The following ARHGAP15 variants were observed in gnomAD, a reference collection of about 807,000 sequenced individuals.
ARHGAP15 encodes the protein Rho GTPase activating protein 15, also known as rho GTPase-activating protein 15.
Under a neutral mutation model 63.7 loss-of-function variants are expected in ARHGAP15, and 51 were observed. The observed-to-expected ratio is 0.80, with a 90% CI of 0.64 to 1.01. ARHGAP15 has a LOEUF of 1.01. Ranked by LOEUF, ARHGAP15 falls within the 50% of genes least tolerant of loss-of-function variation. The pLI is 0.00. For missense variants in ARHGAP15, 560 were observed against 564.6 expected, an observed-to-expected ratio of 0.99 and a Z score of 0.08; for synonymous variants, 191 against 193.8, an observed-to-expected ratio of 0.99 and a Z score of 0.12.
intron 5 of ARHGAP15, among the ~76,000 whole-genome samples, chr2:143,248,017 G>T (rs1694110411): frequency 6.6e-6 from 1 of 152,256 alleles, no homozygotes; most frequent in South Asian, 2.1e-4. Flanking sequence ...TCCATACATT[G>T]GGAAAAACAG....
intron 6 of ARHGAP15, among the ~76,000 whole-genome samples, chr2:143,262,175 G>A (rs979517130): frequency 6.6e-6 from 1 of 152,126 alleles, no homozygotes; most frequent in African/African-American, 2.4e-5. Flanking sequence ...CAGCTGTAGT[G>A]ACACCCACAC....
At chr2:143,676,550 T>A (rs1422558561) in intron 12 of ARHGAP15, 4 of 152,160 alleles carry the variant, frequency 2.6e-5, no homozygotes, top group African/African-American at 9.7e-5. Context: ...GGCCTAATTT[T>A]AATATTGCTA....
intron 11 of ARHGAP15, among the ~76,000 whole-genome samples, chr2:143,564,916 T>G (rs560856497): frequency 7.9e-5 from 12 of 152,298 alleles, no homozygotes; most frequent in African/African-American, 2.9e-4. Flanking sequence ...GTAAATAATA[T>G]GAAAAATGTA....
At chr2:143,609,870 A>G (rs911757788) in intron 11 of ARHGAP15, among the ~76,000 whole-genome samples, 2 of 152,172 alleles carry the variant, frequency 1.3e-5, no homozygotes. Flanking sequence ...AATTGGTGCC[A>G]TGAGCAATAA....
chr2:143,228,857 G>A (rs1693327546), intron 5 of ARHGAP15, among the ~76,000 whole-genome samples, 189 bp downstream of exon 5: 1 of 152,118 alleles, frequency 6.6e-6, no homozygotes, highest in Admixed American at 6.5e-5. Flanking sequence ...TTTATTAAGT[G>A]GTGCATTTGG....
At chr2:143,673,050 C>A (rs1682607858) in intron 12 of ARHGAP15, among the ~76,000 whole-genome samples, 2 of 152,112 alleles carry the variant, frequency 1.3e-5, no homozygotes, top group Non-Finnish European at 2.9e-5. Context: ...GGGAACCACA[C>A]AATACGAGCC....
At chr2:143,507,605 A>G (rs1287990410) in intron 9 of ARHGAP15, among the ~76,000 whole-genome samples, 1 of 152,212 alleles carries the variant, frequency 6.6e-6, no homozygotes, top group Non-Finnish European at 1.5e-5. Flanking sequence ...AATTCCATCT[A>G]GAGGTTGATG....
chr2:143,288,099 G>A (rs1451660899), intron 6 of ARHGAP15, among the ~76,000 whole-genome samples: 2 of 152,210 alleles, frequency 1.3e-5, no homozygotes, highest in Non-Finnish European at 2.9e-5. Flanking sequence ...GCACGAAGAA[G>A]CAGGACCAGT....
intron 6 of ARHGAP15, among the ~76,000 whole-genome samples, chr2:143,425,193 T>G (rs561580988): frequency 6.6e-6 from 1 of 152,238 alleles, no homozygotes; most frequent in East Asian, 1.9e-4. Context: ...ACATTTGGCA[T>G]GGAGTGATAT....
At chr2:143,262,896 A>C (rs1325407046) in intron 6 of ARHGAP15, among the ~76,000 whole-genome samples, 2 of 152,152 alleles carry the variant, frequency 1.3e-5, no homozygotes, top group East Asian at 3.9e-4. Context: ...CCAAAGTTGC[A>C]AAACCCAGAA....
At chr2:143,745,740 T>A (rs929246800) in intron 13 of ARHGAP15, among the ~76,000 whole-genome samples, 1 of 152,228 alleles carries the variant, frequency 6.6e-6, no homozygotes, top group Non-Finnish European at 1.5e-5. Context: ...GCAAAGTATT[T>A]CAAGTTACAG....
At chr2:143,420,770 T>G (rs1688884224) in intron 6 of ARHGAP15, among the ~76,000 whole-genome samples, 1 of 152,222 alleles carries the variant, frequency 6.6e-6, no homozygotes, top group Admixed American at 6.5e-5. Flanking sequence ...CCATGGAGTC[T>G]TATTCTCTGA....
At chr2:143,658,000 G>A (rs1032052456) in intron 12 of ARHGAP15, among the ~76,000 whole-genome samples, 1 of 152,042 alleles carries the variant, frequency 6.6e-6, no homozygotes, top group Non-Finnish European at 1.5e-5. Flanking sequence ...ATCCCTATGC[G>A]GCCACATCAG....
At chr2:143,658,337 G>C (rs978629226) in intron 12 of ARHGAP15, among the ~76,000 whole-genome samples, 1 of 152,074 alleles carries the variant, frequency 6.6e-6, no homozygotes, top group Non-Finnish European at 1.5e-5. Flanking sequence ...TAGAACTTCG[G>C]GTGTATTTGT....
intron 6 of ARHGAP15, among the ~76,000 whole-genome samples, chr2:143,372,288 A>G (rs1348433188): frequency 8.1e-5 from 12 of 148,428 alleles, no homozygotes; most frequent in Admixed American, 7.5e-4. Context: ...GGCTGCAGTG[A>G]GCCGTGATGG....
At chr2:143,516,515 A>G (rs990531802) in intron 9 of ARHGAP15, among the ~76,000 whole-genome samples, 9 of 152,098 alleles carry the variant, frequency 5.9e-5, no homozygotes, top group African/African-American at 1.4e-4. Flanking sequence ...TTTTTTTTGT[A>G]TATTCTTTGA....
At chr2:143,379,487 A>ATATGTG (rs1202571594) in intron 6 of ARHGAP15, among the ~76,000 whole-genome samples, 7 of 129,842 alleles carry the variant, frequency 5.4e-5, no homozygotes, top group East Asian at 2.2e-4. Context: ...AGGCATATAT[A>ATATGTG]TGTGTGTGTG....
intron 11 of ARHGAP15, among the ~76,000 whole-genome samples, chr2:143,575,232 AC>A: frequency 6.6e-6 from 1 of 152,276 alleles, no homozygotes; most frequent in Non-Finnish European, 1.5e-5. Context: ...TTTAAAGATT[AC>A]TTTTACTACT....
chr2:143,256,858 G>A (rs1172422808), intron 6 of ARHGAP15, among the ~76,000 whole-genome samples: 6 of 152,010 alleles, frequency 3.9e-5, no homozygotes. Flanking sequence ...AAAATTGATT[G>A]TAAGAATCTA....
Sources: gnomAD v4.1 joint callset for allele counts (sites outside exome capture counted in the v4.1 genomes callset) on GRCh38, gnomAD v4.1.1 for gene constraint, MANE v1.5 for transcripts, NCBI Gene and HGNC (gene_info 2026-07-23, HGNC 2026-07-21) for gene names.